Variants in ZNF254 observed in about 807,000 individuals in gnomAD.
The protein encoded by ZNF254 is CTD-2017D11.1.
ZNF254 carries 10 observed loss-of-function variants against 12.4 expected under a neutral mutation model. The ratio of observed to expected loss-of-function variants is 0.80; its 90% confidence interval spans 0.50 to 1.36. The LOEUF (loss-of-function observed/expected upper bound fraction) is 1.36. Ranked by LOEUF, ZNF254 falls within the 40% of genes most tolerant of loss-of-function variation. The probability of loss-of-function intolerance (pLI) is 0.00; values close to 1 mark genes in which losing one functional copy is unlikely to be tolerated. For missense variants in ZNF254, 996 were observed against 763.9 expected (o/e 1.30, Z -3.58); for synonymous variants, 305 against 253.4 (o/e 1.20, Z -1.93).
Position 24,127,915 on chromosome 19 carries a change from T to G in ZNF254, c.1915T>G (p.Phe639Val). The G allele has an allele frequency of 6.2e-7, 1 of 1,610,738 alleles. No homozygotes were observed. Among genetic ancestry groups the G allele is most frequent in the Non-Finnish European group, 8.5e-7 (1 of 1,178,556 alleles). Reference protein sequence around the residue: ...PYKWEKFGKAFNRSSHLTTDK... With the variant: ...PYKWEKFGKAVNRSSHLTTDK... ...CAAATGGGAAAAATTTGGCAAAGCC[T>G]TTAATCGGTCCTCGCACCTCACCAC... Residue 639 changes from phenylalanine to valine, a missense_variant, in exon 4 of 4, where the codon TTT (phenylalanine) becomes GTT (valine). Physicochemically the swap from Phe to Val is conservative, Grantham distance 50. Transcript: ENST00000357002.
intron 2 of ZNF254, among the ~76,000 whole-genome samples, chr19:24,059,257 GT>G (rs1260031880): frequency 3.3e-5 from 5 of 152,138 alleles, no homozygotes; most frequent in African/African-American, 1.2e-4. Context: ...GTGTTTGCCT[GT>G]AAGAGACATT....
intron 1 of ZNF254, among the ~76,000 whole-genome samples, chr19:24,044,643 T>G (rs1285835091): frequency 2.7e-5 from 4 of 148,196 alleles, no homozygotes; most frequent in African/African-American, 9.8e-5. Flanking sequence ...TTATGCTAGT[T>G]TTGTGGATCT....
At chr19:24,078,416 C>T (rs1431561869) in intron 2 of ZNF254, 1 of 152,162 alleles carries the variant, frequency 6.6e-6, no homozygotes, top group Non-Finnish European at 1.5e-5. Flanking sequence ...CAATCAATAG[C>T]TTATGCATTT....
intron 1 of ZNF254, among the ~76,000 whole-genome samples, chr19:24,090,649 C>T (rs1401697181): frequency 6.6e-6 from 1 of 152,100 alleles, no homozygotes; most frequent in African/African-American, 2.4e-5. Context: ...GTTAGCTAGG[C>T]TGTTCTCAAA....
chr19:24,064,360 G>C (rs1375502430), intron 2 of ZNF254, among the ~76,000 whole-genome samples: 1 of 151,934 alleles, frequency 6.6e-6, no homozygotes, highest in Non-Finnish European at 1.5e-5. Flanking sequence ...ACCCCTCAGG[G>C]GTATTGTGAA....
chr19:24,078,238 A>G (rs1971728847), intron 2 of ZNF254, among the ~76,000 whole-genome samples: 1 of 152,140 alleles, frequency 6.6e-6, no homozygotes, highest in Admixed American at 6.5e-5. Flanking sequence ...GGGTTTCACC[A>G]TGTTGGCCAG....
Position 24,127,935 on chromosome 19 carries a change from C to T in ZNF254, c.1935C>T (p.Leu645=). The T allele has an allele frequency of 6.3e-7, 1 of 1,596,906 alleles. No individual in the cohort carries two copies. The change falls in exon 4 of 4, where the codon CTC becomes CTT. Residue 645 remains leucine, a synonymous_variant. Transcript: ENST00000357002. ...FGKAFNRSSH[L]TTDKITHWRE... is the part of the protein sequence containing the mutation. ...AAGCCTTTAATCGGTCCTCGCACCT[C>T]ACCACAGATAAGATAACTCATTGGA...
intron 2 of ZNF254, among the ~76,000 whole-genome samples, chr19:24,060,208 G>C (rs80096826): frequency 1.3e-5 from 2 of 152,286 alleles, no homozygotes; most frequent in East Asian, 1.9e-4. Context: ...ATATTGTTAC[G>C]TACCTTTGTG....
intron 3 of ZNF254, among the ~76,000 whole-genome samples, chr19:24,118,800 A>G (rs920728374): frequency 2.0e-5 from 3 of 151,934 alleles, no homozygotes; most frequent in African/African-American, 4.8e-5. Context: ...TGTTTCCCCT[A>G]TATATTTTTA....
chr19:24,060,586 A>G (rs1191897156), intron 2 of ZNF254, among the ~76,000 whole-genome samples: 1 of 152,142 alleles, frequency 6.6e-6, no homozygotes, highest in African/African-American at 2.4e-5. Flanking sequence ...CCCAGCACCT[A>G]GATGTTATGA....
chr19:24,099,020 A>G (rs960145090), intron 1 of ZNF254: 6 of 67,700 alleles, frequency 8.9e-5, no homozygotes, highest in Non-Finnish European at 1.4e-4. Context: ...TTTTTTTGAG[A>G]CAGTCTTGCC....
At chr19:24,106,996 C>T in intron 3 of ZNF254, 1 of 444,658 alleles carries the variant, frequency 2.2e-6, no homozygotes. Context: ...TTTTTAAGTT[C>T]TCTTTTTGCA....
chr19:24,038,995 C>A (rs578235594), intron 1 of ZNF254, among the ~76,000 whole-genome samples: 2 of 152,184 alleles, frequency 1.3e-5, no homozygotes, highest in Admixed American at 6.6e-5. Context: ...GGCAAGGGTG[C>A]CTTTGGCTTG....
At chr19:24,068,402 G>T (rs1971358567) in intron 2 of ZNF254, among the ~76,000 whole-genome samples, 1 of 152,044 alleles carries the variant, frequency 6.6e-6, no homozygotes, top group Admixed American at 6.6e-5. Flanking sequence ...CTGGGTTCAA[G>T]CAGTTCTCCT....
chr19:24,070,487 G>A (rs1322152367), intron 2 of ZNF254, among the ~76,000 whole-genome samples: 4 of 152,200 alleles, frequency 2.6e-5, no homozygotes, highest in Non-Finnish European at 4.4e-5. Context: ...CTCAGACCAA[G>A]ATTCAGTGCA....
chr19:24,037,699 TC>T (rs1473707917), intron 1 of ZNF254, among the ~76,000 whole-genome samples: 1 of 150,806 alleles, frequency 6.6e-6, no homozygotes, highest in African/African-American at 2.4e-5. Context: ...AACCTCCACC[TC>T]CCAGGTTCAA....
In ZNF254 at chr19:24,039,092, C is replaced by T. The variant is rs530880632; in HGVS notation, c.-190+5471C>T. 1.1e-4 allele frequency among the ~76,000 whole-genome samples: 16 copies of T among 152,340 alleles called. No homozygotes were observed. In the South Asian group the frequency reaches 3.1e-3, roughly 30 times the overall value. On this transcript the variant is annotated intron_variant, in intron 1 of 4. Coordinates refer to the ZNF254 transcript ENST00000613065. ...CTCCATTCTGTGTTGGAGCAGTCTT[C>T]ATGTGGGGATTTCTCCTCTACTTTT...
chr19:24,049,966 A>T (rs2145298266), intron 2 of ZNF254, among the ~76,000 whole-genome samples: 1 of 151,904 alleles, frequency 6.6e-6, no homozygotes, highest in South Asian at 2.1e-4. Context: ...ATATTGTGAC[A>T]TGTCACTGGG....
chr19:24,041,405 G>A lies in ZNF254; in HGVS notation c.-189-4779G>A, dbSNP rs1412781169. Among the ~76,000 whole-genome samples, 9 of 152,234 alleles carry A rather than the reference G, an allele frequency of 5.9e-5. No individual in the cohort carries two copies. In the East Asian group the frequency reaches 1.3e-3, roughly 23 times the overall value. On this transcript the variant is annotated intron_variant, in intron 1 of 4. Transcript: ENST00000613065. ...CGTGGGCTTGGTGGGCCCCACACTCGGAGCAGCCAGCCAGCCCTGCTGGCC... is the reference window on the plus strand; with the variant it reads ...CGTGGGCTTGGTGGGCCCCACACTCAGAGCAGCCAGCCAGCCCTGCTGGCC...
Sources: allele counts gnomAD v4.1 joint callset (sites outside exome capture counted in the v4.1 genomes callset), GRCh38; gene constraint gnomAD v4.1.1; transcripts MANE v1.5; gene names NCBI Gene and HGNC (gene_info 2026-07-23, HGNC 2026-07-21).